The following TMEM132E variants were observed in gnomAD, a reference collection of about 807,000 sequenced individuals.
The protein encoded by TMEM132E is transmembrane protein 132E.
TMEM132E carries 49 observed loss-of-function variants against 78.5 expected under a neutral mutation model. That is an observed-to-expected ratio of 0.62 (90% CI 0.50 to 0.79). The LOEUF (loss-of-function observed/expected upper bound fraction) is 0.79, where lower values mean the gene tolerates loss of function less well. Ranked by LOEUF, TMEM132E falls within the 30% of genes least tolerant of loss-of-function variation. The pLI, the probability that TMEM132E is intolerant of heterozygous loss-of-function variation, is 0.00. For synonymous variants in TMEM132E, 715 were observed against 670.6 expected (o/e 1.07, Z -1.02); for missense variants, 1,403 against 1,470.9 (o/e 0.95, Z 0.75).
chr17:34,627,467 C>CGTGTGCGCGCGCGT (rs146318983), intron 2 of TMEM132E, among the ~76,000 whole-genome samples: 26 of 126,540 alleles, frequency 2.1e-4, no homozygotes, highest in African/African-American at 7.2e-4. Context: ...CCAAAAGAAT[C>CGTGTGCGCGCGCGT]GTGTGTGTGT....
intron 1 of TMEM132E, among the ~76,000 whole-genome samples, chr17:34,610,564 C>A (rs759308188): frequency 6.6e-6 from 1 of 152,138 alleles, no homozygotes; most frequent in African/African-American, 2.4e-5. Context: ...GGTGATGCTG[C>A]GAGAAAAAGG....
At chr17:34,606,877 G>GCT (rs1162709467) in intron 1 of TMEM132E, among the ~76,000 whole-genome samples, 1 of 152,070 alleles carries the variant, frequency 6.6e-6, no homozygotes, top group East Asian at 1.9e-4. Context: ...CCACTCACTC[G>GCT]CTCTCTCTCT....
chr17:34,624,148 A>T (rs1907050599), intron 1 of TMEM132E, among the ~76,000 whole-genome samples: 1 of 152,160 alleles, frequency 6.6e-6, no homozygotes, highest in South Asian at 2.1e-4. Flanking sequence ...TGCAGATTTT[A>T]TTTTTTTGAA....
At chr17:34,636,347 C>T in intron 8 of TMEM132E, 149 bp downstream of exon 8, 1 of 784,900 alleles carries the variant, frequency 1.3e-6, no homozygotes, top group Non-Finnish European at 1.8e-6. Context: ...CAACTGCCCA[C>T]CCTATGGCCA....
chr17:34,632,216 C>A (rs999309968), intron 5 of TMEM132E, among the ~76,000 whole-genome samples: 4 of 152,244 alleles, frequency 2.6e-5, no homozygotes, highest in African/African-American at 9.6e-5. Flanking sequence ...GCCAGAGAGG[C>A]CGTGGAGGAC....
At position 34,625,093 on chromosome 17, in the gene TMEM132E, A is replaced by T. The variant is rs149279265; in HGVS notation, c.68-1034A>T. The stretch of plus-strand genomic sequence containing the variant: ...TGATTTGTGTCCAGGAGAAAAAAAT[A>T]CTCTGGCTACTGTGTGGGGGAGGAG... On this transcript the variant is annotated intron_variant, in intron 1 of 8. Transcript: ENST00000631683. Among the ~76,000 whole-genome samples the T allele has an allele frequency of 1.5e-3, 223 of 152,082 alleles. 1 individual carries two copies. The highest frequency in any genetic ancestry group is 5.1e-3 in the African/African-American group (213 of 41,470).
chr17:34,616,242 C>T (rs1026467901), intron 1 of TMEM132E, among the ~76,000 whole-genome samples: 2 of 152,058 alleles, frequency 1.3e-5, no homozygotes, highest in Non-Finnish European at 2.9e-5. Context: ...GGAGGAGGGG[C>T]GCCCCTCCTG....
At chr17:34,622,632 C>G (rs1381221234) in intron 1 of TMEM132E, among the ~76,000 whole-genome samples, 1 of 152,196 alleles carries the variant, frequency 6.6e-6, no homozygotes, top group Non-Finnish European at 1.5e-5. Context: ...CTCTTGGATG[C>G]CCCATTGACA....
intron 2 of TMEM132E, 108 bp from the exon 3 acceptor site, chr17:34,628,455 G>A (rs1205025011): frequency 7.6e-7 from 1 of 1,312,074 alleles, no homozygotes; most frequent in Non-Finnish European, 1.0e-6. Context: ...GGGTAACTTA[G>A]CTTATCTGTT....
chr17:34,630,181 G>A, intron 5 of TMEM132E, 30 bp downstream of exon 5: 2 of 1,600,930 alleles, frequency 1.2e-6, no homozygotes, highest in Non-Finnish European at 1.7e-6. Flanking sequence ...GGCCCCTGGG[G>A]AAGAAGCCCT....
intron 1 of TMEM132E, among the ~76,000 whole-genome samples, chr17:34,619,516 T>TA (rs1015764834): frequency 3.4e-5 from 5 of 145,560 alleles, no homozygotes; most frequent in African/African-American, 1.0e-4. Context: ...GTAGATTTGA[T>TA]AAAAAAGGTG....
intron 8 of TMEM132E, 113 bp from the exon 9 acceptor site, chr17:34,637,064 A>T: frequency 1.1e-6 from 1 of 896,124 alleles, no homozygotes; most frequent in Non-Finnish European, 1.7e-6. Flanking sequence ...TGCTGAGAAT[A>T]CAGCAGGGAG....
chr17:34,628,780 AAGG>A (rs1376940164), intron 3 of TMEM132E, 71 bp downstream of exon 3: 1 of 1,480,842 alleles, frequency 6.8e-7, no homozygotes, highest in Non-Finnish European at 9.0e-7. Context: ...GGAATCTTTG[AAGG>A]AGGAGGCTAG....
At position 34,579,591 on chromosome 17, in the gene TMEM132E, C is replaced by T. The variant is rs975222749; in HGVS notation, c.-1486C>T. 3.1e-5 allele frequency: 5 copies of T among 159,850 alleles called. No individual in the cohort carries two copies. The South Asian group carries it at 9.0e-4, about 29-fold the overall frequency. The allele number at this position is 159,850 out of a possible 1,614,324, so 9.9% of individuals were successfully genotyped here. Reference sequence around the variant, plus strand: ...GTGTGTGTCTCTCTCGAGTCATTTACGGCGGAGCAGCCGGCGCGAGCGCCG... The same window carrying T: ...GTGTGTGTCTCTCTCGAGTCATTTATGGCGGAGCAGCCGGCGCGAGCGCCG... On this transcript the variant is annotated 5_prime_UTR_variant, in exon 1 of 9. In the 5' UTR this introduces an upstream ATG that the reference lacks. Transcript: ENST00000631683.
At chr17:34,599,730 T>G (rs1460389555) in intron 1 of TMEM132E, among the ~76,000 whole-genome samples, 4 of 152,226 alleles carry the variant, frequency 2.6e-5, no homozygotes, top group African/African-American at 9.6e-5. Context: ...AATTCACTAA[T>G]CTGGGCACAG....
intron 1 of TMEM132E, among the ~76,000 whole-genome samples, chr17:34,592,658 T>C (rs1905913951): frequency 6.6e-6 from 1 of 152,238 alleles, no homozygotes. Flanking sequence ...AAAAACCTAC[T>C]CATCTTGCAG....
chr17:34,603,849 C>T (rs1457163440), intron 1 of TMEM132E, among the ~76,000 whole-genome samples: 1 of 152,252 alleles, frequency 6.6e-6, no homozygotes, highest in Non-Finnish European at 1.5e-5. Flanking sequence ...CGTCCACCAT[C>T]TCCTGTGGCT....
chr17:34,605,233 C>T (rs1906374398), intron 1 of TMEM132E, among the ~76,000 whole-genome samples: 1 of 152,202 alleles, frequency 6.6e-6, no homozygotes. Context: ...GCCCTCAGAG[C>T]ATGAATCGTG....
At chr17:34,586,550 C>A (rs1460680115) in intron 1 of TMEM132E, among the ~76,000 whole-genome samples, 4 of 151,944 alleles carry the variant, frequency 2.6e-5, no homozygotes, top group Admixed American at 1.3e-4. Context: ...TGGGGGGGGA[C>A]AAGCAAGCCA....
Sources: allele counts gnomAD v4.1 joint callset (sites outside exome capture counted in the v4.1 genomes callset), GRCh38; gene constraint gnomAD v4.1.1; transcripts MANE v1.5; gene names NCBI Gene and HGNC (gene_info 2026-07-23, HGNC 2026-07-21).